The following USP54 variants were observed in gnomAD, a reference collection of about 807,000 sequenced individuals.
The protein encoded by USP54 is ubiquitin specific peptidase 54, also known as ubiquitin carboxyl-terminal hydrolase 54.
In USP54, 87 loss-of-function variants were observed where a neutral mutation model predicts 170.5. The ratio of observed to expected loss-of-function variants is 0.51; its 90% CI spans 0.43 to 0.61. USP54 has a LOEUF of 0.61. Among genes scored for constraint, USP54 ranks in the 20% least tolerant of loss-of-function variants. The pLI, the probability that USP54 is intolerant of heterozygous loss-of-function variation, is 0.00. For synonymous variants in USP54, 655 were observed against 742.8 expected, an observed-to-expected ratio of 0.88 and a Z score of 1.92; for missense variants, 1,786 against 2,047.8, an observed-to-expected ratio of 0.87 and a Z score of 2.47.
rs199970103 is a variant in USP54 at position 73,517,574 on chromosome 10, G to A, written c.2852C>T (p.Ser951Phe). 97 of 1,614,122 alleles carry A rather than the reference G, an allele frequency of 6.0e-5. No homozygotes were observed. The highest frequency in any genetic ancestry group is 2.8e-4 in the Admixed American group (17 of 60,014). Residue 951 changes from serine to phenylalanine, a missense_variant, in exon 20 of 24, where the codon TCT becomes TTT. Around this residue, in one of 3 missense-constraint regions of USP54, gnomAD observed 1,418 missense variants for 1,569.0 expected, o/e 0.90. Coordinates refer to ENST00000687698, the MANE Select transcript of USP54 (RefSeq NM_001391956.1). ...AACCGAAGTCAGAAGCTTCAAGGCA[G>A]ATCTACTGGGGGAGCTGTGCTGTGG... ...SAPQHSSPSR[S>F]ALKLLTSVEV... is the part of the protein sequence containing the mutation.
Position 73,534,676 on chromosome 10 carries a change from G to A in USP54, c.1239C>T (p.His413=), listed in dbSNP as rs374768782. ...KHSHHESVVS[H]FSSDSQGTVI... is the part of the protein sequence containing the mutation. ...CTGTCCCCTGAGAATCAGAAGAGAA[G>A]TGACTGACCACAGACTCATGGTGGG... The change falls in exon 12 of 24, where the codon CAC becomes CAT. Residue 413 remains histidine, a synonymous_variant. Coordinates refer to ENST00000687698, the MANE Select transcript of USP54 (RefSeq NM_001391956.1). The A allele has an allele frequency of 7.9e-5, 128 of 1,614,192 alleles. 1 individual carries two copies. The highest frequency in any genetic ancestry group is 3.5e-4 in the Admixed American group (21 of 60,024).
upstream of USP54, among the ~76,000 whole-genome samples, chr10:73,595,504 A>G (rs2078653486): frequency 6.6e-6 from 1 of 152,202 alleles, no homozygotes; most frequent in African/African-American, 2.4e-5. Context: ...CACAGACCTG[A>G]GCAGCAAAAT....
Position 73,501,376 on chromosome 10 carries a change from T to C in USP54, c.4312-538A>G, listed in dbSNP as rs533849160. Among the ~76,000 whole-genome samples the C allele has an allele frequency of 1.4e-4, 22 of 152,320 alleles. 1 individual carries two copies. The South Asian group carries it at 4.4e-3, about 30-fold the overall frequency. ...TGCTAATGTCCTGCTCTACTCCCTA[T>C]TAGTTATCTACTTTTATGATAAATA... On this transcript the variant is annotated intron_variant, in intron 22 of 23. Coordinates refer to ENST00000687698, the MANE Select transcript of USP54 (RefSeq NM_001391956.1).
chr10:73,569,231 C>T (rs2074503999), intron 4 of USP54, among the ~76,000 whole-genome samples: 2 of 151,910 alleles, frequency 1.3e-5, no homozygotes, highest in Non-Finnish European at 2.9e-5. Context: ...GTTTTTTTCT[C>T]CCTAGCATGG....
intron 3 of USP54, among the ~76,000 whole-genome samples, 188 bp downstream of exon 3, chr10:73,575,324 A>G (rs1189480474): frequency 6.6e-6 from 1 of 152,126 alleles, no homozygotes; most frequent in Non-Finnish European, 1.5e-5. Context: ...CTTTTTTACA[A>G]ATGAGGTAAT....
chr10:73,543,394 T>C (rs1379216256), intron 5 of USP54, among the ~76,000 whole-genome samples: 1 of 151,992 alleles, frequency 6.6e-6, no homozygotes, highest in African/African-American at 2.4e-5. Flanking sequence ...TGAGATGGAG[T>C]CTCGCTCTGT....
chr10:73,534,617 T>A lies in USP54; in HGVS notation c.1298A>T (p.Gln433Leu). 6.2e-7 allele frequency: 1 copy of A among 1,614,102 alleles called. No individual in the cohort carries two copies. The highest frequency in any genetic ancestry group is 8.5e-7 in the Non-Finnish European group (1 of 1,179,970). Residue 433 changes from glutamine to leucine, a missense_variant, in exon 12 of 24, where the codon CAG becomes CTG. By Grantham distance (113) the Gln-to-Leu change is moderately radical. Coordinates refer to ENST00000687698, the MANE Select transcript of USP54 (RefSeq NM_001391956.1). ...GTCCCTACCTGTGTCCCGACTGCTC[T>A]GAGACATGGAATCATTTTCCACATT... Reference protein sequence around the residue: ...IYNVENDSMSQSSRDTGHLTD... With the variant: ...IYNVENDSMSLSSRDTGHLTD...
At chr10:73,504,685 A>G in intron 22 of USP54, 165 bp downstream of exon 22, 1 of 917,898 alleles carries the variant, frequency 1.1e-6, no homozygotes, top group South Asian at 1.7e-5. Context: ...CTCCAGCTGA[A>G]TGTTTGTAAA....
chr10:73,520,551 A>G (rs975780189), intron 18 of USP54, among the ~76,000 whole-genome samples: 1 of 152,238 alleles, frequency 6.6e-6, no homozygotes, highest in African/African-American at 2.4e-5. Flanking sequence ...AGTCATAGCC[A>G]ATTTATTCAG....
At chr10:73,510,485 CTT>C (rs1226357868) in intron 20 of USP54, among the ~76,000 whole-genome samples, 2 of 137,554 alleles carry the variant, frequency 1.5e-5, no homozygotes, top group East Asian at 2.2e-4. Context: ...CAGTTTTGCT[CTT>C]GTTGCCCAGG....
At chr10:73,575,487 C>T in intron 3 of USP54, 25 bp downstream of exon 3, 1 of 1,563,876 alleles carries the variant, frequency 6.4e-7, no homozygotes, top group Non-Finnish European at 8.6e-7. Flanking sequence ...TCAAAGTTCA[C>T]CAAAAATAAA....
chr10:73,525,531 T>C (rs762955079), intron 16 of USP54, among the ~76,000 whole-genome samples: 2 of 152,170 alleles, frequency 1.3e-5, no homozygotes, highest in Non-Finnish European at 2.9e-5. Context: ...ACTCAGTCAT[T>C]AGTGTAATTA....
chr10:73,498,423 G>A lies in USP54; in HGVS notation c.*206C>T, dbSNP rs1425312945. On this transcript the variant is annotated 3_prime_UTR_variant, in exon 24 of 24. Coordinates refer to ENST00000687698, the MANE Select transcript of USP54 (RefSeq NM_001391956.1). Reference sequence around the variant, plus strand: ...TCCGAGTAGTTGGGACTACAGGCACGCACCGTCACGCCTGGCTAATTTTTT... The same window carrying A: ...TCCGAGTAGTTGGGACTACAGGCACACACCGTCACGCCTGGCTAATTTTTT... 2.1e-5 allele frequency: 7 copies of A among 332,612 alleles called. No individual in the cohort carries two copies. The highest frequency in any genetic ancestry group is 5.3e-5 in the East Asian group (1 of 18,802). The allele number at this position is 332,612 out of a possible 1,614,324, so 20.6% of individuals were successfully genotyped here.
chr10:73,541,902 A>G, intron 7 of USP54, 164 bp from the exon 8 acceptor site: 1 of 631,816 alleles, frequency 1.6e-6, no homozygotes, highest in South Asian at 1.9e-5. Flanking sequence ...AAGTACCTCT[A>G]CCTGTCCCCA....
rs1000939511 is a variant in USP54, at chr10:73,520,947, C to T, written c.2443G>A (p.Asp815Asn). Residue 815 changes from aspartate (D) to asparagine (N), a missense_variant, in exon 18 of 24, where the codon GAC becomes AAC. By Grantham distance (23) the Asp-to-Asn change is conservative (BLOSUM62 1). Transcript: ENST00000687698. ...EESLHLEQKG[D>N]CAAALALCNE... ...CAGAGAGCCAAAGCTGCAGCACAGTCTCCTTTCTGTTCCAGATGTAGTGAC... is the reference window on the plus strand; with the variant it reads ...CAGAGAGCCAAAGCTGCAGCACAGTTTCCTTTCTGTTCCAGATGTAGTGAC... 3.1e-6 allele frequency: 5 copies of T among 1,614,090 alleles called. No homozygotes were observed. In the African/African-American group the frequency reaches 5.3e-5, roughly 17 times the overall value.
Position 73,498,686 on chromosome 10 carries a change from T to C in USP54, c.4998A>G (p.Ser1666=), listed in dbSNP as rs750450548. Residue 1666 remains serine (S), a synonymous_variant, in exon 24 of 24, where the codon TCA becomes TCG. Coordinates refer to ENST00000687698, the MANE Select transcript of USP54 (RefSeq NM_001391956.1). ...TVGEGFLFVL[S]DAPRREQIRA... is the part of the protein sequence containing the mutation. ...TGATCTGCTCTCTTCTGGGAGCATC[T>C]GATAGAACAAACAGAAACCCCTCTC... The C allele has an allele frequency of 3.7e-6, 6 of 1,602,650 alleles. No individual in the cohort carries two copies. Among genetic ancestry groups the C allele is most frequent in the Non-Finnish European group, 5.1e-6 (6 of 1,173,972 alleles).
At chr10:73,564,901 CAAAAAAAAAAAAAA>C (rs199823108) in intron 4 of USP54, among the ~76,000 whole-genome samples, 4 of 66,460 alleles carry the variant, frequency 6.0e-5, no homozygotes, top group African/African-American at 2.4e-4. Flanking sequence ...TCATCTCTAC[CAAAAAAAAAAAAAA>C]AAAAAAAAAG....
At position 73,504,859 on chromosome 10, in the gene USP54, G is replaced by A; in HGVS notation, c.4302C>T (p.Ser1434=). The A allele has an allele frequency of 4.3e-6, 7 of 1,614,060 alleles. No homozygotes were observed. Among genetic ancestry groups the A allele is most frequent in the Non-Finnish European group, 5.9e-6 (7 of 1,180,016 alleles). Residue 1434 remains serine (S), a synonymous_variant, in exon 22 of 24, where the codon TCC becomes TCT. Coordinates refer to ENST00000687698, the MANE Select transcript of USP54 (RefSeq NM_001391956.1). The part of the protein sequence containing the change: ...VSEREEAPVS[S]HSFDSSNVRK... The stretch of plus-strand genomic sequence containing the variant: ...CCCTGATTCTACTTACAAAACTGTG[G>A]GAAGAAACCGGAGCTTCCTCCCTCT...
At chr10:73,591,063 G>T (rs929769652) in intron 1 of USP54, among the ~76,000 whole-genome samples, 2 of 151,830 alleles carry the variant, frequency 1.3e-5, no homozygotes, top group African/African-American at 4.8e-5. Context: ...AGAGAGGAGG[G>T]GGAAAGAGCA....
Sources: allele counts gnomAD v4.1 joint callset (sites outside exome capture counted in the v4.1 genomes callset), GRCh38; gene constraint gnomAD v4.1.1; regional missense constraint gnomAD v4.1.1; transcripts MANE v1.5; gene names NCBI Gene and HGNC (gene_info 2026-07-23, HGNC 2026-07-21).